The following GPR158 variants were observed in gnomAD, a reference collection of about 807,000 sequenced individuals.
The protein encoded by GPR158 is G protein-coupled receptor 158, also known as metabotropic glycine receptor.
Under a neutral mutation model 78.2 loss-of-function variants are expected in GPR158, and 30 were observed. That is an observed-to-expected ratio of 0.38 (90% confidence interval 0.29 to 0.52). The LOEUF (loss-of-function observed/expected upper bound fraction) is 0.52. Among genes scored for constraint, GPR158 ranks in the 20% least tolerant of loss-of-function variants. The pLI is 0.83. For synonymous variants in GPR158, 581 were observed against 591.1 expected (o/e 0.98, Z 0.25); for missense variants, 1,463 against 1,523.5 (o/e 0.96, Z 0.66).
chr10:25,419,988 C>T (rs1257302617), intron 4 of GPR158, among the ~76,000 whole-genome samples: 1 of 152,002 alleles, frequency 6.6e-6, no homozygotes, highest in Non-Finnish European at 1.5e-5. Flanking sequence ...TGCCTTTGCC[C>T]ATTTCTTAAT....
chr10:25,357,551 G>T (rs1256492315), intron 2 of GPR158, among the ~76,000 whole-genome samples: 1 of 152,102 alleles, frequency 6.6e-6, no homozygotes, highest in African/African-American at 2.4e-5. Context: ...ATGGGCCAAG[G>T]TACAGCTCAG....
intron 5 of GPR158, among the ~76,000 whole-genome samples, chr10:25,497,595 G>C (rs1295236747): frequency 1.3e-5 from 2 of 152,152 alleles, no homozygotes; most frequent in Non-Finnish European, 2.9e-5. Flanking sequence ...CTTCAGGAGA[G>C]AGTCTCTATT....
intron 4 of GPR158, among the ~76,000 whole-genome samples, chr10:25,423,194 TACAC>T (rs527461276): frequency 0.013 from 1,890 of 150,422 alleles, 18 homozygotes; most frequent in Middle Eastern, 0.017. Flanking sequence ...CACACATATA[TACAC>T]ACACACACCA....
At chr10:25,197,069 T>G (rs1402588197) in intron 1 of GPR158, among the ~76,000 whole-genome samples, 1 of 152,210 alleles carries the variant, frequency 6.6e-6, no homozygotes, top group African/African-American at 2.4e-5. Flanking sequence ...CTGTACTTGC[T>G]CCCTCTTGTA....
intron 5 of GPR158, among the ~76,000 whole-genome samples, chr10:25,497,390 A>G (rs1835896026): frequency 6.6e-6 from 1 of 152,182 alleles, no homozygotes. Flanking sequence ...GATGTGAGGG[A>G]GAGTTATGAG....
At chr10:25,179,220 AG>A (rs1169931500) in intron 1 of GPR158, among the ~76,000 whole-genome samples, 1 of 152,242 alleles carries the variant, frequency 6.6e-6, no homozygotes, top group African/African-American at 2.4e-5. Context: ...AGTATTTGAC[AG>A]GTATGGTAAC....
At chr10:25,359,564 C>G (rs1238096964) in intron 2 of GPR158, among the ~76,000 whole-genome samples, 2 of 152,124 alleles carry the variant, frequency 1.3e-5, no homozygotes, top group African/African-American at 4.8e-5. Context: ...CAGCTTCATT[C>G]ATTTCCCTGC....
chr10:25,503,971 A>G (rs1313461519), intron 5 of GPR158, among the ~76,000 whole-genome samples: 2 of 150,954 alleles, frequency 1.3e-5, no homozygotes, highest in Non-Finnish European at 3.0e-5. Flanking sequence ...GCTCACTGCA[A>G]TCTCTACCTC....
intron 2 of GPR158, among the ~76,000 whole-genome samples, chr10:25,372,024 A>G (rs1321861858): frequency 6.6e-6 from 1 of 151,688 alleles, no homozygotes; most frequent in Non-Finnish European, 1.5e-5. Flanking sequence ...AAAACAAACA[A>G]CCCCGTCAAA....
intron 6 of GPR158, among the ~76,000 whole-genome samples, chr10:25,556,828 A>G (rs1836792639): frequency 6.6e-6 from 1 of 152,218 alleles, no homozygotes; most frequent in South Asian, 2.1e-4. Flanking sequence ...CATGCTCCAG[A>G]TGAATGCTTA....
At chr10:25,483,859 C>G (rs954562287) in intron 5 of GPR158, among the ~76,000 whole-genome samples, 1 of 151,832 alleles carries the variant, frequency 6.6e-6, no homozygotes, top group African/African-American at 2.4e-5. Flanking sequence ...CTTTCAAGAC[C>G]AAGACCACGT....
At chr10:25,273,650 C>G (rs1854146068) in intron 2 of GPR158, among the ~76,000 whole-genome samples, 1 of 151,904 alleles carries the variant, frequency 6.6e-6, no homozygotes, top group Non-Finnish European at 1.5e-5. Context: ...TCTATAACTT[C>G]TTTATGCATT....
At chr10:25,551,819 T>A (rs1290973545) in intron 6 of GPR158, among the ~76,000 whole-genome samples, 1 of 152,138 alleles carries the variant, frequency 6.6e-6, no homozygotes. Context: ...AACAATAAAC[T>A]TTCCCTGCAG....
At chr10:25,263,590 C>T (rs1391517827) in intron 2 of GPR158, among the ~76,000 whole-genome samples, 1 of 152,084 alleles carries the variant, frequency 6.6e-6, no homozygotes, top group African/African-American at 2.4e-5. Context: ...AAAAAATCTG[C>T]TGTGTGGTCA....
At chr10:25,530,208 A>G (rs1469153168) in intron 5 of GPR158, among the ~76,000 whole-genome samples, 1 of 152,138 alleles carries the variant, frequency 6.6e-6, no homozygotes, top group Non-Finnish European at 1.5e-5. Context: ...TACATGAGAA[A>G]AGTGAAAAGT....
chr10:25,223,997 A>G (rs1853337530), intron 2 of GPR158, among the ~76,000 whole-genome samples: 1 of 152,180 alleles, frequency 6.6e-6, no homozygotes, highest in Non-Finnish European at 1.5e-5. Context: ...GGAAACAGAT[A>G]AGTGATATGG....
At chr10:25,198,929 TCTA>T (rs559596246) in intron 1 of GPR158, among the ~76,000 whole-genome samples, 4 of 151,544 alleles carry the variant, frequency 2.6e-5, no homozygotes, top group African/African-American at 4.9e-5. Context: ...CAAGGCAGCT[TCTA>T]CTATTATGCA....
At chr10:25,325,208 G>A (rs899300049) in intron 2 of GPR158, among the ~76,000 whole-genome samples, 2 of 152,110 alleles carry the variant, frequency 1.3e-5, no homozygotes, top group Admixed American at 1.3e-4. Context: ...ATATGGAAGA[G>A]ATGAGGAGAA....
chr10:25,189,819 AAAAG>A (rs1852746280), intron 1 of GPR158, among the ~76,000 whole-genome samples: 1 of 147,606 alleles, frequency 6.8e-6, no homozygotes, highest in Admixed American at 6.8e-5. Flanking sequence ...AAAAAAAGAG[AAAAG>A]AAAGGAAAGC....
Sources: allele counts gnomAD v4.1 joint callset (sites outside exome capture counted in the v4.1 genomes callset), GRCh38; gene constraint gnomAD v4.1.1; transcripts MANE v1.5; gene names NCBI Gene and HGNC (gene_info 2026-07-23, HGNC 2026-07-21).